ARHGEF38: variants seen among roughly 807,000 people sequenced by gnomAD.
The protein encoded by ARHGEF38 is Rho guanine nucleotide exchange factor (GEF) 38.
A neutral mutation model predicts 79.9 loss-of-function variants in ARHGEF38; 79 were observed. The observed-to-expected ratio is 0.99, with a 90% CI of 0.82 to 1.19. The LOEUF (loss-of-function observed/expected upper bound fraction) is 1.19. Among genes scored for constraint, ARHGEF38 ranks in the 50% most tolerant of loss-of-function variants. The pLI, the probability that ARHGEF38 is intolerant of heterozygous loss-of-function variation, is 0.00. For missense variants in ARHGEF38, 962 were observed against 907.2 expected, an observed-to-expected ratio of 1.06 and a Z score of -0.78; for synonymous variants, 366 against 328.3, an observed-to-expected ratio of 1.11 and a Z score of -1.24.
chr4:105,559,333 C>T (rs773986423), intron 1 of ARHGEF38, among the ~76,000 whole-genome samples: 6 of 152,128 alleles, frequency 3.9e-5, no homozygotes, highest in Non-Finnish European at 8.8e-5. Flanking sequence ...TTATCCCATG[C>T]TCTCAAGGGC....
chr4:105,622,531 C>T (rs1198189684), intron 3 of ARHGEF38, among the ~76,000 whole-genome samples: 5 of 152,118 alleles, frequency 3.3e-5, no homozygotes, highest in African/African-American at 1.2e-4. Flanking sequence ...GTCACTTGAG[C>T]CAGTGAGGAT....
chr4:105,593,116 C>T (rs1050974048), intron 2 of ARHGEF38, among the ~76,000 whole-genome samples: 2 of 152,124 alleles, frequency 1.3e-5, no homozygotes, highest in South Asian at 4.1e-4. Flanking sequence ...TATTCATTGT[C>T]TATTTTAAAA....
chr4:105,663,306 T>A (rs1262353855), intron 10 of ARHGEF38, among the ~76,000 whole-genome samples: 1 of 152,216 alleles, frequency 6.6e-6, no homozygotes, highest in African/African-American at 2.4e-5. Context: ...AAATAATTTT[T>A]AAATTTTTAA....
intron 5 of ARHGEF38, among the ~76,000 whole-genome samples, chr4:105,638,780 T>C (rs1341680995): frequency 6.6e-6 from 1 of 152,148 alleles, no homozygotes; most frequent in Non-Finnish European, 1.5e-5. Flanking sequence ...TCAGTAAATA[T>C]AAATCCACAT....
intron 8 of ARHGEF38, 28 bp downstream of exon 8, chr4:105,654,197 T>A (rs1003358277): frequency 7.7e-7 from 1 of 1,292,868 alleles, no homozygotes; most frequent in Admixed American, 2.2e-5. Context: ...GTTTTCAGTG[T>A]TCTACAGGAA....
chr4:105,680,097 A>C lies in ARHGEF38; in HGVS notation c.*2160A>C. ...CCACTGTAGACTTGAAGGACATCTC[A>C]TTTTCATCTGTGTTTTATAAAGGAG... On this transcript the variant is annotated 3_prime_UTR_variant, in exon 14 of 14. Coordinates refer to ENST00000420470, the MANE Select transcript of ARHGEF38 (RefSeq NM_001242729.2). 4.0e-6 allele frequency: 3 copies of C among 749,516 alleles called. No homozygotes were observed. The highest frequency in any genetic ancestry group is 5.0e-6 in the Non-Finnish European group (2 of 402,138). The allele number at this position is 749,516 out of a possible 1,614,324, so 46.4% of individuals were successfully genotyped here.
intron 2 of ARHGEF38, among the ~76,000 whole-genome samples, chr4:105,602,404 A>G (rs764452654): frequency 6.6e-6 from 1 of 152,174 alleles, no homozygotes; most frequent in African/African-American, 2.4e-5. Context: ...CCAATTAAAC[A>G]CGTTTTAGGA....
intron 4 of ARHGEF38, 85 bp from the exon 5 acceptor site, chr4:105,636,318 A>G (rs1578333940): frequency 4.4e-6 from 1 of 227,700 alleles, no homozygotes; most frequent in East Asian, 1.5e-4. Context: ...TTTACATAAG[A>G]AAATTTAAAA....
At chr4:105,661,143 C>T (rs181289207) in intron 10 of ARHGEF38, among the ~76,000 whole-genome samples, 3 of 152,288 alleles carry the variant, frequency 2.0e-5, no homozygotes, top group East Asian at 3.9e-4. Flanking sequence ...TTCTTCATGC[C>T]TAGCATGTTT....
rs1578331355 is a variant in ARHGEF38, at chr4:105,633,756, T to C, written c.657-2647T>C. Among the ~76,000 whole-genome samples, 4 of 152,118 alleles carry C rather than the reference T, an allele frequency of 2.6e-5. No individual in the cohort carries two copies. In the East Asian group the frequency reaches 7.7e-4, roughly 29 times the overall value. On this transcript the variant is annotated intron_variant, in intron 4 of 13. Transcript: ENST00000420470. ...ATGTTGAAAATATTTTTTAAAAATA[T>C]ATAAGCATAGTTCTTGCCTCTCAGG...
chr4:105,653,636 T>G (rs1360529594), intron 7 of ARHGEF38, among the ~76,000 whole-genome samples: 1 of 152,214 alleles, frequency 6.6e-6, no homozygotes, highest in Non-Finnish European at 1.5e-5. Flanking sequence ...GAATATTTTC[T>G]AAATAAGCAC....
rs188694542 is a variant in ARHGEF38 at position 105,670,270 on chromosome 4, T to G, written c.2148+2567T>G. Among the ~76,000 whole-genome samples, 621 of 152,340 alleles carry G rather than the reference T, an allele frequency of 4.1e-3. 6 individuals carry two copies. Among genetic ancestry groups the G allele is most frequent in the African/African-American group, 0.014 (584 of 41,576 alleles). On this transcript the variant is annotated intron_variant, in intron 13 of 13. Coordinates refer to ENST00000420470, the MANE Select transcript of ARHGEF38 (RefSeq NM_001242729.2). Reference sequence around the variant, plus strand: ...CCAGCAAAGTGTGAGGTTTATGGGTTGCAGTTTCTTCACATCCTTGTCAAC... The same window carrying G: ...CCAGCAAAGTGTGAGGTTTATGGGTGGCAGTTTCTTCACATCCTTGTCAAC...
chr4:105,621,987 CA>C (rs1232100639), intron 3 of ARHGEF38, among the ~76,000 whole-genome samples: 1 of 152,042 alleles, frequency 6.6e-6, no homozygotes, highest in African/African-American at 2.4e-5. Flanking sequence ...AAGGATACAC[CA>C]ATCCTCACAA....
At chr4:105,579,372 A>G (rs988120425) in intron 1 of ARHGEF38, among the ~76,000 whole-genome samples, 1 of 152,184 alleles carries the variant, frequency 6.6e-6, no homozygotes, top group Non-Finnish European at 1.5e-5. Flanking sequence ...TGGGTTTGTC[A>G]TAGATGGCTC....
intron 1 of ARHGEF38, among the ~76,000 whole-genome samples, chr4:105,585,726 C>CTTTTTTTTTTTTTTTTTTTT (rs3056719): frequency 2.8e-5 from 2 of 71,508 alleles, no homozygotes; most frequent in African/African-American, 5.7e-5. Flanking sequence ...CCCTCCGTTG[C>CTTTTTTTTTTTTTTTTTTTT]TTTTTTTTTT....
At chr4:105,590,601 C>T (rs1369784858) in intron 2 of ARHGEF38, among the ~76,000 whole-genome samples, 3 of 152,122 alleles carry the variant, frequency 2.0e-5, no homozygotes, top group Non-Finnish European at 2.9e-5. Flanking sequence ...CAATATCTGT[C>T]TACTATTACA....
chr4:105,574,473 C>T (rs916639338), intron 1 of ARHGEF38, among the ~76,000 whole-genome samples: 2 of 151,686 alleles, frequency 1.3e-5, no homozygotes, highest in African/African-American at 2.4e-5. Context: ...TCGCTTGACC[C>T]CAGGTGGCAG....
intron 2 of ARHGEF38, among the ~76,000 whole-genome samples, chr4:105,598,078 C>T (rs1442373392): frequency 5.3e-5 from 8 of 151,980 alleles, no homozygotes; most frequent in Admixed American, 2.0e-4. Context: ...GGTACACATT[C>T]GGTTGTTTGG....
intron 1 of ARHGEF38, among the ~76,000 whole-genome samples, chr4:105,572,075 A>G (rs141093432): frequency 8.0e-4 from 122 of 152,314 alleles, no homozygotes; most frequent in African/African-American, 2.8e-3. Flanking sequence ...CTCTATTTAT[A>G]CTTCAACTCT....
Sources: gnomAD v4.1 joint callset for allele counts (sites outside exome capture counted in the v4.1 genomes callset) on GRCh38, gnomAD v4.1.1 for gene constraint, MANE v1.5 for transcripts, NCBI Gene and HGNC (gene_info 2026-07-23, HGNC 2026-07-21) for gene names.